TRAPPC9: variants seen among roughly 807,000 people sequenced by gnomAD.
TRAPPC9 encodes trafficking protein particle complex subunit 9, also known as IKK2 binding protein.
A neutral mutation model predicts 124.0 loss-of-function variants in TRAPPC9; 83 were observed. The observed-to-expected ratio is 0.67, with a 90% CI of 0.56 to 0.80. The LOEUF (loss-of-function observed/expected upper bound fraction) is 0.80. Ranked by LOEUF, TRAPPC9 falls within the 30% of genes least tolerant of loss-of-function variation. TRAPPC9 has a pLI of 0.00. For synonymous variants in TRAPPC9, 638 were observed against 617.5 expected (o/e 1.03, Z -0.49); for missense variants, 1,302 against 1,508.3 (o/e 0.86, Z 2.27).
chr8:139,741,130 C>G (rs1328884519), intron 21 of TRAPPC9, among the ~76,000 whole-genome samples: 3 of 152,178 alleles, frequency 2.0e-5, no homozygotes, highest in Non-Finnish European at 2.9e-5. Flanking sequence ...GCAGGGCACT[C>G]CCCCTTGGGC....
chr8:140,387,389 T>C (rs2068783046), intron 7 of TRAPPC9, among the ~76,000 whole-genome samples: 1 of 152,152 alleles, frequency 6.6e-6, no homozygotes, highest in Admixed American at 6.6e-5. Flanking sequence ...CTAATTAAAC[T>C]GAAGAGCTTC....
intron 7 of TRAPPC9, among the ~76,000 whole-genome samples, chr8:140,382,435 C>T (rs2068635764): frequency 6.6e-6 from 1 of 152,186 alleles, no homozygotes; most frequent in Non-Finnish European, 1.5e-5. Context: ...CGGGTCACTC[C>T]CACCCTAACA....
At chr8:139,856,999 C>A (rs1014216008) in intron 21 of TRAPPC9, among the ~76,000 whole-genome samples, 1 of 151,948 alleles carries the variant, frequency 6.6e-6, no homozygotes, top group Non-Finnish European at 1.5e-5. Context: ...AGAGAGGAAG[C>A]AGGGTGATAA....
chr8:140,244,768 C>T (rs1377148897), intron 16 of TRAPPC9, among the ~76,000 whole-genome samples: 7 of 149,618 alleles, frequency 4.7e-5, no homozygotes, highest in African/African-American at 7.4e-5. Flanking sequence ...GTCTGTTACG[C>T]AGAAGTATTA....
At chr8:140,263,154 G>C (rs1019768312) in intron 15 of TRAPPC9, among the ~76,000 whole-genome samples, 4 of 152,190 alleles carry the variant, frequency 2.6e-5, no homozygotes, top group African/African-American at 9.7e-5. Context: ...AAAGGCAAGA[G>C]CAGCTGGCAG....
intron 21 of TRAPPC9, among the ~76,000 whole-genome samples, chr8:139,840,496 C>T (rs1278613074): frequency 6.6e-6 from 1 of 152,190 alleles, no homozygotes; most frequent in Non-Finnish European, 1.5e-5. Flanking sequence ...AACTTAGCAG[C>T]GGTGGACGTT....
At chr8:140,434,398 A>G (rs2070743065) in intron 4 of TRAPPC9, among the ~76,000 whole-genome samples, 1 of 152,180 alleles carries the variant, frequency 6.6e-6, no homozygotes, top group African/African-American at 2.4e-5. Flanking sequence ...CATTGGTTCT[A>G]CCAAGCATAA....
chr8:139,925,237 A>G (rs555958845), intron 19 of TRAPPC9, among the ~76,000 whole-genome samples: 17 of 152,202 alleles, frequency 1.1e-4, no homozygotes, highest in Non-Finnish European at 2.2e-4. Context: ...CCTGTTACAG[A>G]GCATCAGGCA....
intron 7 of TRAPPC9, among the ~76,000 whole-genome samples, chr8:140,389,611 T>C (rs2068864225): frequency 6.6e-6 from 1 of 152,098 alleles, no homozygotes; most frequent in African/African-American, 2.4e-5. Context: ...ATGAATAAGA[T>C]ACAGTCCCCA....
intron 17 of TRAPPC9, among the ~76,000 whole-genome samples, chr8:140,131,724 G>A (rs1348775004): frequency 6.6e-6 from 1 of 152,220 alleles, no homozygotes; most frequent in Non-Finnish European, 1.5e-5. Flanking sequence ...TTGAGGGCGA[G>A]TCGCCTGGTG....
chr8:140,238,877 C>T (rs897641624), intron 16 of TRAPPC9, among the ~76,000 whole-genome samples: 6 of 152,176 alleles, frequency 3.9e-5, no homozygotes, highest in African/African-American at 1.4e-4. Flanking sequence ...GGAAGCGCGA[C>T]CCCCGTGCTG....
At chr8:140,197,365 C>A (rs926589341) in intron 17 of TRAPPC9, among the ~76,000 whole-genome samples, 1 of 152,168 alleles carries the variant, frequency 6.6e-6, no homozygotes, top group African/African-American at 2.4e-5. Context: ...CCTTAAAAAG[C>A]CTGTAAAGAG....
At chr8:139,744,744 C>T (rs1818779909) in intron 21 of TRAPPC9, among the ~76,000 whole-genome samples, 2 of 152,196 alleles carry the variant, frequency 1.3e-5, no homozygotes, top group South Asian at 2.1e-4. Flanking sequence ...CCTGGGAGGG[C>T]GGTGGTGCTG....
chr8:140,044,269 C>T (rs867653378), intron 17 of TRAPPC9, among the ~76,000 whole-genome samples: 31 of 137,902 alleles, frequency 2.2e-4, no homozygotes, highest in Middle Eastern at 3.5e-3. Flanking sequence ...AGAACAACAA[C>T]GACCAAAAAA....
intron 19 of TRAPPC9, among the ~76,000 whole-genome samples, chr8:139,936,758 C>G (rs59826284): frequency 0.2 from 26,604 of 133,968 alleles, 3,036 homozygotes; most frequent in East Asian, 0.37. Flanking sequence ...GGGGAGTGGG[C>G]ACTGCAGTGT....
intron 21 of TRAPPC9, among the ~76,000 whole-genome samples, chr8:139,814,109 G>A (rs1034503129): frequency 6.6e-6 from 1 of 152,198 alleles, no homozygotes; most frequent in Non-Finnish European, 1.5e-5. Flanking sequence ...AGCCCGGCAA[G>A]AAGAATCACG....
intron 21 of TRAPPC9, among the ~76,000 whole-genome samples, chr8:139,876,624 G>C (rs1829338390): frequency 6.6e-6 from 1 of 152,182 alleles, no homozygotes; most frequent in Non-Finnish European, 1.5e-5. Context: ...CCAGCACTGA[G>C]GACAGTGCCT....
At chr8:140,377,889 G>T (rs1314369380) in intron 7 of TRAPPC9, among the ~76,000 whole-genome samples, 1 of 151,948 alleles carries the variant, frequency 6.6e-6, no homozygotes, top group Non-Finnish European at 1.5e-5. Flanking sequence ...GAACCCGGGG[G>T]GCAGAGGTTG....
chr8:139,782,129 C>T (rs1821867026), intron 21 of TRAPPC9, among the ~76,000 whole-genome samples: 1 of 152,112 alleles, frequency 6.6e-6, no homozygotes, highest in Non-Finnish European at 1.5e-5. Context: ...CCTGAAATCC[C>T]AGTACTTTGG....
Sources: gnomAD v4.1 joint callset for allele counts (sites outside exome capture counted in the v4.1 genomes callset) on GRCh38, gnomAD v4.1.1 for gene constraint, MANE v1.5 for transcripts, NCBI Gene and HGNC (gene_info 2026-07-23, HGNC 2026-07-21) for gene names.